Variants in KCNIP4 observed in about 807,000 individuals in gnomAD.
KCNIP4 encodes the protein Kv channel-interacting protein 4.
A neutral mutation model predicts 34.0 loss-of-function variants in KCNIP4; 12 were observed. That is an observed-to-expected ratio of 0.35 (90% CI 0.23 to 0.57). The LOEUF (loss-of-function observed/expected upper bound fraction) is 0.57. Among genes scored for constraint, KCNIP4 ranks in the 20% least tolerant of loss-of-function variants. The pLI, the probability that KCNIP4 is intolerant of heterozygous loss-of-function variation, is 0.83. For synonymous variants in KCNIP4, 124 were observed against 102.2 expected (o/e 1.21, Z -1.29); for missense variants, 238 against 311.7 (o/e 0.76, Z 1.78).
At chr4:20,878,565 A>C (rs972559199) in intron 2 of KCNIP4, among the ~76,000 whole-genome samples, 1 of 152,104 alleles carries the variant, frequency 6.6e-6, no homozygotes, top group Non-Finnish European at 1.5e-5. Flanking sequence ...CTCTCTTCCT[A>C]CATAAGCTCC....
intron 1 of KCNIP4, among the ~76,000 whole-genome samples, chr4:21,912,882 C>T (rs867519945): frequency 1.3e-5 from 2 of 150,578 alleles, no homozygotes; most frequent in Middle Eastern, 3.5e-3. Context: ...CAATAAGAAG[C>T]CATTGAAATT....
chr4:21,137,473 A>T (rs1305993584), intron 1 of KCNIP4, among the ~76,000 whole-genome samples: 2 of 152,300 alleles, frequency 1.3e-5, no homozygotes, highest in East Asian at 3.9e-4. Flanking sequence ...ACATTTGAAG[A>T]TGCCATATCT....
intron 1 of KCNIP4, among the ~76,000 whole-genome samples, chr4:21,653,698 C>T (rs886668323): frequency 6.6e-6 from 1 of 152,192 alleles, no homozygotes; most frequent in African/African-American, 2.4e-5. Context: ...TAGCACTTTA[C>T]TTGCATTGTC....
chr4:21,025,530 A>G (rs1740453038), intron 1 of KCNIP4, among the ~76,000 whole-genome samples: 1 of 126,748 alleles, frequency 7.9e-6, no homozygotes, highest in Admixed American at 8.7e-5. Context: ...CAAAAAGGTC[A>G]CTCATTGATA....
chr4:21,173,451 T>G (rs1754165097), intron 1 of KCNIP4, among the ~76,000 whole-genome samples: 1 of 152,060 alleles, frequency 6.6e-6, no homozygotes, highest in Non-Finnish European at 1.5e-5. Flanking sequence ...CAACAGTCAA[T>G]AGCAGAGCAG....
intron 3 of KCNIP4, among the ~76,000 whole-genome samples, chr4:20,805,326 G>T (rs1714943830): frequency 6.7e-6 from 1 of 150,312 alleles, no homozygotes; most frequent in African/African-American, 2.5e-5. Context: ...ATAAGCCACT[G>T]CACCTTTCTG....
At chr4:20,811,945 C>A (rs935635944) in intron 3 of KCNIP4, among the ~76,000 whole-genome samples, 2 of 152,088 alleles carry the variant, frequency 1.3e-5, no homozygotes, top group African/African-American at 4.8e-5. Context: ...AAAGGAAGAG[C>A]AGATTCCCAG....
rs1444405107 is a variant in KCNIP4 at position 20,729,429 on chromosome 4, A to AAAAT, written c.*649_*652dup. On this transcript the variant is annotated 3_prime_UTR_variant, in exon 9 of 9. Coordinates refer to ENST00000382152, the MANE Select transcript of KCNIP4 (RefSeq NM_025221.6). ...TATTATGGAAAATTAAATGCTTATT[A>AAAAT]AAATAAGTTTTATTAGGCATATGCT... 6.6e-6 allele frequency: 1 copy of AAAAT among 151,814 alleles called. No individual in the cohort carries two copies. Among genetic ancestry groups the AAAAT allele is most frequent in the African/African-American group, 2.4e-5 (1 of 41,350 alleles). 9.4% of individuals were successfully genotyped at this position (151,814 alleles called of 1,614,324 possible).
intron 1 of KCNIP4, among the ~76,000 whole-genome samples, chr4:21,442,737 A>G (rs893108491): frequency 6.6e-6 from 1 of 152,064 alleles, no homozygotes; most frequent in Non-Finnish European, 1.5e-5. Context: ...CATGTACCCC[A>G]TTCTTCTTCT....
chr4:20,955,784 C>A (rs1733235975), intron 1 of KCNIP4, among the ~76,000 whole-genome samples: 1 of 152,148 alleles, frequency 6.6e-6, no homozygotes, highest in Non-Finnish European at 1.5e-5. Flanking sequence ...GGAAACTGGA[C>A]AAATTATATG....
At chr4:21,687,378 G>A (rs1577845973) in intron 1 of KCNIP4, among the ~76,000 whole-genome samples, 1 of 151,466 alleles carries the variant, frequency 6.6e-6, no homozygotes, top group Non-Finnish European at 1.5e-5. Flanking sequence ...GAAAAGATAC[G>A]CAAAGAAATA....
intron 1 of KCNIP4, among the ~76,000 whole-genome samples, chr4:21,153,031 G>A (rs551050941): frequency 2.8e-4 from 42 of 152,224 alleles, no homozygotes; most frequent in Non-Finnish European, 5.1e-4. Context: ...GGTCATCATT[G>A]ATTCAACTAT....
chr4:21,463,015 C>T (rs1729604667), intron 1 of KCNIP4, among the ~76,000 whole-genome samples: 1 of 151,812 alleles, frequency 6.6e-6, no homozygotes. Flanking sequence ...GATTTCATTT[C>T]CTTTGGATAT....
At chr4:21,295,151 C>T (rs1763763790) in intron 1 of KCNIP4, among the ~76,000 whole-genome samples, 1 of 152,118 alleles carries the variant, frequency 6.6e-6, no homozygotes, top group East Asian at 1.9e-4. Context: ...TAGACCTGCT[C>T]ACCCCATGTG....
chr4:21,397,106 TA>T (rs1723075206), intron 1 of KCNIP4, among the ~76,000 whole-genome samples: 1 of 151,880 alleles, frequency 6.6e-6, no homozygotes, highest in African/African-American at 2.4e-5. Flanking sequence ...GGCAAAAAAA[TA>T]AAAAATAAAA....
chr4:21,446,562 G>A (rs1465922644), intron 1 of KCNIP4, among the ~76,000 whole-genome samples: 25 of 147,206 alleles, frequency 1.7e-4, no homozygotes, highest in Admixed American at 1.7e-3. Flanking sequence ...ACTTATAGGT[G>A]GGAATTGAAC....
intron 1 of KCNIP4, among the ~76,000 whole-genome samples, chr4:21,833,574 G>C (rs1406621045): frequency 6.6e-6 from 1 of 152,264 alleles, no homozygotes; most frequent in African/African-American, 2.4e-5. Flanking sequence ...TTGTTTTGCT[G>C]TGCAGAAGCT....
chr4:21,743,982 A>G (rs1716599852), intron 1 of KCNIP4, among the ~76,000 whole-genome samples: 1 of 152,018 alleles, frequency 6.6e-6, no homozygotes, highest in Non-Finnish European at 1.5e-5. Context: ...GCAGAAGTAA[A>G]TCCACGGAAC....
intron 1 of KCNIP4, among the ~76,000 whole-genome samples, chr4:20,909,273 T>C (rs1324773315): frequency 1.3e-5 from 2 of 152,202 alleles, no homozygotes; most frequent in African/African-American, 4.8e-5. Flanking sequence ...TTCACTGTTT[T>C]CCATAGAGTG....
Sources: gnomAD v4.1 joint callset for allele counts (sites outside exome capture counted in the v4.1 genomes callset) on GRCh38, gnomAD v4.1.1 for gene constraint, MANE v1.5 for transcripts, NCBI Gene and HGNC (gene_info 2026-07-23, HGNC 2026-07-21) for gene names.